AFAP1L2: variants seen among roughly 807,000 people sequenced by gnomAD.
AFAP1L2 encodes the protein actin filament-associated protein 1-like 2.
Under a neutral mutation model 99.3 loss-of-function variants are expected in AFAP1L2, and 46 were observed. The observed-to-expected ratio is 0.46, with a 90% CI of 0.37 to 0.59. AFAP1L2 has a LOEUF of 0.59. AFAP1L2 is among the 20% of genes least tolerant of loss of function. The pLI, the probability that AFAP1L2 is intolerant of heterozygous loss-of-function variation, is 0.00. For synonymous variants in AFAP1L2, 397 were observed against 419.1 expected (o/e 0.95, Z 0.64); for missense variants, 959 against 1,034.9 (o/e 0.93, Z 1.01).
At chr10:114,284,895 G>C in the AFAP1L2 span, 1 of 1,608,454 alleles carries the variant, frequency 6.2e-7, no homozygotes, top group Non-Finnish European at 8.5e-7. Flanking sequence ...CCAGAATGGA[G>C]GCACATGTGT....
intron 1 of AFAP1L2, among the ~76,000 whole-genome samples, chr10:114,373,676 T>A (rs910111568): frequency 2.0e-5 from 3 of 151,680 alleles, no homozygotes; most frequent in African/African-American, 4.8e-5. Context: ...AAACAAAAAA[T>A]TTCAGTTCCA....
At chr10:114,315,833 G>T in intron 5 of AFAP1L2, 68 bp from the exon 6 acceptor site, 1 of 1,479,986 alleles carries the variant, frequency 6.8e-7, no homozygotes, top group South Asian at 1.2e-5. Context: ...GCATCGCTGG[G>T]GAGGGCAGCA....
intron 6 of AFAP1L2, 32 bp downstream of exon 6, chr10:114,315,528 T>G (rs2043985815): frequency 3.1e-6 from 5 of 1,607,068 alleles, no homozygotes; most frequent in Non-Finnish European, 4.3e-6. Flanking sequence ...AGGAGAGGAG[T>G]CGGGGGACAA....
At chr10:114,399,405 T>G (rs1190518528) in intron 1 of AFAP1L2, among the ~76,000 whole-genome samples, 4 of 152,148 alleles carry the variant, frequency 2.6e-5, no homozygotes, top group Non-Finnish European at 5.9e-5. Context: ...ACTGAGCAGG[T>G]AGTCCCTCCC....
At chr10:114,298,331 T>A (rs1168988351) in intron 16 of AFAP1L2, among the ~76,000 whole-genome samples, 1 of 152,020 alleles carries the variant, frequency 6.6e-6, no homozygotes, top group African/African-American at 2.4e-5. Context: ...TGACCCAAGA[T>A]CACGCCACTG....
At chr10:114,351,334 C>G (rs571747560) in intron 1 of AFAP1L2, among the ~76,000 whole-genome samples, 3 of 152,214 alleles carry the variant, frequency 2.0e-5, no homozygotes, top group African/African-American at 7.2e-5. Context: ...TAAGGTTGTC[C>G]CTGTTTACTT....
At chr10:114,336,003 A>C (rs1003520040) in intron 2 of AFAP1L2, among the ~76,000 whole-genome samples, 2 of 151,624 alleles carry the variant, frequency 1.3e-5, no homozygotes, top group African/African-American at 4.8e-5. Flanking sequence ...CTATACAAAA[A>C]ATAAAAGCCA....
At chr10:114,288,900 C>A in the AFAP1L2 span, 3 of 1,567,850 alleles carry the variant, frequency 1.9e-6, no homozygotes, top group South Asian at 3.6e-5. Context: ...CTCTGACTGG[C>A]ACATCCACTG....
chr10:114,284,629 C>T, the AFAP1L2 span, among the ~76,000 whole-genome samples: 3 of 152,236 alleles, frequency 2.0e-5, no homozygotes, highest in African/African-American at 4.8e-5. Context: ...GTTCATCACA[C>T]AGGGCCTTAC....
chr10:114,356,883 G>T (rs1297372686), intron 1 of AFAP1L2, among the ~76,000 whole-genome samples: 3 of 152,186 alleles, frequency 2.0e-5, no homozygotes, highest in South Asian at 2.1e-4. Flanking sequence ...AGGTGAGAAG[G>T]CTCTAAAAAA....
chr10:114,369,770 A>G (rs963617615), intron 1 of AFAP1L2, among the ~76,000 whole-genome samples: 9 of 152,136 alleles, frequency 5.9e-5, no homozygotes, highest in African/African-American at 2.2e-4. Flanking sequence ...AAACAAGTAC[A>G]TTTAAAATAT....
chr10:114,317,733 C>T (rs1269451480), intron 5 of AFAP1L2, among the ~76,000 whole-genome samples: 1 of 152,138 alleles, frequency 6.6e-6, no homozygotes, highest in African/African-American at 2.4e-5. Context: ...GTGGTATGCA[C>T]CTGTAGTCCC....
At chr10:114,291,339 GC>G, downstream of AFAP1L2, 2 of 1,360,564 alleles carry the variant, frequency 1.5e-6, no homozygotes, top group Non-Finnish European at 2.0e-6. Context: ...GAATGTCTGT[GC>G]CCCAGGTCCT....
intron 1 of AFAP1L2, among the ~76,000 whole-genome samples, chr10:114,393,116 G>A (rs1016957320): frequency 5.9e-5 from 9 of 152,130 alleles, no homozygotes; most frequent in Non-Finnish European, 7.4e-5. Flanking sequence ...GGAGCACCCC[G>A]TATCCTCTGA....
the AFAP1L2 span, chr10:114,289,760 C>G: frequency 2.0e-6 from 1 of 511,276 alleles, no homozygotes; most frequent in Non-Finnish European, 3.5e-6. Context: ...ACAGAACACA[C>G]TTTTAGAATA....
intron 1 of AFAP1L2, among the ~76,000 whole-genome samples, chr10:114,355,438 C>T (rs771004886): frequency 5.9e-5 from 9 of 151,840 alleles, no homozygotes; most frequent in Non-Finnish European, 8.8e-5. Context: ...CATCCCTGTG[C>T]GACTCTCCAT....
chr10:114,342,997 C>G (rs995026132), intron 1 of AFAP1L2, among the ~76,000 whole-genome samples: 11 of 152,182 alleles, frequency 7.2e-5, no homozygotes, highest in African/African-American at 2.7e-4. Context: ...CAAAGCAAAT[C>G]TATCCACTTA....
At chr10:114,319,954 T>G (rs1224729995) in intron 5 of AFAP1L2, among the ~76,000 whole-genome samples, 1 of 152,136 alleles carries the variant, frequency 6.6e-6, no homozygotes, top group East Asian at 1.9e-4. Context: ...AAGAAGCAGA[T>G]AGGGGTTCTC....
At position 114,323,113 on chromosome 10, in the gene AFAP1L2, C is replaced by A. The variant is rs923491354; in HGVS notation, c.406+58G>T. On this transcript the variant is annotated intron_variant, in intron 5 of 18. Transcript: ENST00000304129. ...CTGTTACCCCCAGGTAAGTCTGCAC[C>A]AACATCTGTGCAGGAAGCAGTAAGT... is the stretch of plus-strand genomic sequence containing the variant. 8.9e-6 allele frequency: 13 copies of A among 1,464,026 alleles called. No individual in the cohort carries two copies. In the South Asian group the frequency reaches 1.2e-4, roughly 14 times the overall value. 90.7% of individuals were successfully genotyped at this position (1,464,026 alleles called of 1,614,324 possible).
Sources: gnomAD v4.1 joint callset for allele counts (sites outside exome capture counted in the v4.1 genomes callset) on GRCh38, gnomAD v4.1.1 for gene constraint, MANE v1.5 for transcripts, NCBI Gene and HGNC (gene_info 2026-07-23, HGNC 2026-07-21) for gene names.